The following NTM variants were observed in gnomAD, a reference collection of about 807,000 sequenced individuals.
NTM encodes the protein neurotrimin.
Under a neutral mutation model 42.1 loss-of-function variants are expected in NTM, and 13 were observed. The observed-to-expected ratio is 0.31, with a 90% CI of 0.20 to 0.49. The LOEUF (loss-of-function observed/expected upper bound fraction) is 0.49, where lower values mean the gene tolerates loss of function less well. Ranked by LOEUF, NTM falls within the 20% of genes least tolerant of loss-of-function variation. NTM has a pLI of 0.99. For missense variants in NTM, 373 were observed against 452.8 expected (o/e 0.82, Z 1.60); for synonymous variants, 187 against 179.2 (o/e 1.04, Z -0.35).
At chr11:131,741,924 G>A (rs760107397) in intron 1 of NTM, among the ~76,000 whole-genome samples, 9 of 152,090 alleles carry the variant, frequency 5.9e-5, no homozygotes, top group African/African-American at 1.4e-4. Flanking sequence ...GTCCTTTGCC[G>A]GACCATCAAT....
At chr11:132,161,979 C>A (rs1195035440) in intron 3 of NTM, among the ~76,000 whole-genome samples, 1 of 152,224 alleles carries the variant, frequency 6.6e-6, no homozygotes, top group East Asian at 1.9e-4. Flanking sequence ...GAACCCACAT[C>A]CAACCCCGGT....
chr11:131,750,540 G>T (rs1009820217), intron 1 of NTM, among the ~76,000 whole-genome samples: 3 of 152,138 alleles, frequency 2.0e-5, no homozygotes, highest in Non-Finnish European at 4.4e-5. Flanking sequence ...GAGACCAAGT[G>T]GCCTCCTGAC....
At chr11:132,165,989 C>T (rs1046461537) in intron 3 of NTM, among the ~76,000 whole-genome samples, 1 of 152,162 alleles carries the variant, frequency 6.6e-6, no homozygotes, top group Non-Finnish European at 1.5e-5. Flanking sequence ...ATGGCAGCCC[C>T]TGAGCTATTT....
chr11:132,274,198 A>G (rs1034121606), intron 4 of NTM, among the ~76,000 whole-genome samples: 2 of 151,382 alleles, frequency 1.3e-5, no homozygotes, highest in African/African-American at 4.9e-5. Context: ...TTTTAAATTT[A>G]TTTTTTATTT....
chr11:131,947,317 G>A (rs372096462), intron 2 of NTM, among the ~76,000 whole-genome samples: 16 of 152,076 alleles, frequency 1.1e-4, no homozygotes, highest in African/African-American at 3.6e-4. Flanking sequence ...CCCACCTGAT[G>A]CTACTTATCC....
chr11:131,596,591 G>T (rs555518397), intron 1 of NTM, among the ~76,000 whole-genome samples: 86 of 152,330 alleles, frequency 5.6e-4, no homozygotes, highest in Middle Eastern at 3.4e-3. Context: ...CAGGCAGTGG[G>T]GACAGCATTC....
intron 3 of NTM, among the ~76,000 whole-genome samples, chr11:132,209,686 G>T (rs1347012740): frequency 6.6e-6 from 1 of 152,192 alleles, no homozygotes; most frequent in African/African-American, 2.4e-5. Context: ...GGAAGGAGAG[G>T]TCACATCCTC....
intron 1 of NTM, among the ~76,000 whole-genome samples, chr11:131,645,455 G>A (rs747047837): frequency 9.9e-5 from 15 of 152,156 alleles, no homozygotes; most frequent in Non-Finnish European, 1.9e-4. Flanking sequence ...TTTCAGTCAC[G>A]TCAGACACCT....
chr11:131,707,051 C>G (rs1358842459), intron 1 of NTM, among the ~76,000 whole-genome samples: 1 of 151,886 alleles, frequency 6.6e-6, no homozygotes, highest in Non-Finnish European at 1.5e-5. Flanking sequence ...ACTATAGTCA[C>G]CATGCTATGT....
At chr11:131,912,332 A>C (rs1249952024) in intron 2 of NTM, among the ~76,000 whole-genome samples, 1 of 152,038 alleles carries the variant, frequency 6.6e-6, no homozygotes, top group African/African-American at 2.4e-5. Context: ...TACATGCAAA[A>C]CTCGTCTACT....
chr11:131,508,230 G>A (rs1278603733), intron 1 of NTM, among the ~76,000 whole-genome samples: 4 of 145,046 alleles, frequency 2.8e-5, no homozygotes, highest in African/African-American at 1.1e-4. Flanking sequence ...CGAAGGACAT[G>A]AACAGACACT....
intron 2 of NTM, among the ~76,000 whole-genome samples, chr11:132,142,217 C>T (rs1414118437): frequency 6.6e-6 from 1 of 152,198 alleles, no homozygotes; most frequent in African/African-American, 2.4e-5. Context: ...GTTACATTGA[C>T]TTGTGACTAT....
chr11:131,561,286 T>C (rs1191135283), intron 1 of NTM, among the ~76,000 whole-genome samples: 2 of 152,218 alleles, frequency 1.3e-5, no homozygotes, highest in Non-Finnish European at 2.9e-5. Flanking sequence ...TCCCAGATAA[T>C]GGATATTTGA....
rs540290685 is a variant in NTM, at chr11:132,069,535, A to G, written c.168-76747A>G. Among the ~76,000 whole-genome samples, 36 of 149,224 alleles carry G rather than the reference A, an allele frequency of 2.4e-4. 1 individual carries two copies. The highest frequency in any genetic ancestry group is 9.0e-4 in the African/African-American group (36 of 39,790). On this transcript the variant is annotated intron_variant, in intron 2 of 8. Transcript: ENST00000683400. ...CACACTGACCGTCACAGGTTAGTTA[A>G]CACGTCACCCAGCCAAGTTAACACG...
intron 2 of NTM, among the ~76,000 whole-genome samples, chr11:131,964,852 T>G (rs2062629427): frequency 6.6e-6 from 1 of 152,152 alleles, no homozygotes; most frequent in African/African-American, 2.4e-5. Flanking sequence ...TTGATGCCCC[T>G]CATACTAAAG....
chr11:132,004,337 A>G (rs1261044205), intron 2 of NTM, among the ~76,000 whole-genome samples: 2 of 152,204 alleles, frequency 1.3e-5, no homozygotes, highest in African/African-American at 4.8e-5. Context: ...CTGTCAAAAT[A>G]TGTCTCATTT....
intron 1 of NTM, among the ~76,000 whole-genome samples, chr11:131,609,596 G>A (rs2137521148): frequency 6.6e-6 from 1 of 152,324 alleles, no homozygotes; most frequent in South Asian, 2.1e-4. Flanking sequence ...GCAAGGCATT[G>A]GAAAAGCAGA....
chr11:131,602,188 A>G (rs1263156584), intron 1 of NTM, among the ~76,000 whole-genome samples: 2 of 152,200 alleles, frequency 1.3e-5, no homozygotes, highest in African/African-American at 4.8e-5. Context: ...GAAATAGTTC[A>G]TTTGGGTTGG....
intron 4 of NTM, among the ~76,000 whole-genome samples, chr11:132,266,404 A>T (rs2093186885): frequency 6.6e-6 from 1 of 152,188 alleles, no homozygotes; most frequent in African/African-American, 2.4e-5. Flanking sequence ...GCCTCATTAC[A>T]ACCTCAGAGC....
Sources: allele counts gnomAD v4.1 joint callset (sites outside exome capture counted in the v4.1 genomes callset), GRCh38; gene constraint gnomAD v4.1.1; transcripts MANE v1.5; gene names NCBI Gene and HGNC (gene_info 2026-07-23, HGNC 2026-07-21).